Variants in DGKB observed in about 807,000 individuals in gnomAD.
DGKB encodes diacylglycerol kinase beta.
DGKB carries 67 observed loss-of-function variants against 114.3 expected under a neutral mutation model. The observed-to-expected ratio is 0.59, with a 90% CI of 0.48 to 0.72. DGKB has a LOEUF of 0.72. Ranked by LOEUF, DGKB falls within the 30% of genes least tolerant of loss-of-function variation. The probability of loss-of-function intolerance (pLI) is 0.00; values close to 1 mark genes in which losing one functional copy is unlikely to be tolerated. For missense variants in DGKB, 907 were observed against 975.2 expected (o/e 0.93, Z 0.93); for synonymous variants, 398 against 323.1 (o/e 1.23, Z -2.49).
chr7:14,880,032 A>T (rs1356248777), intron 1 of DGKB, among the ~76,000 whole-genome samples: 2 of 152,196 alleles, frequency 1.3e-5, no homozygotes, highest in African/African-American at 4.8e-5. Flanking sequence ...ATGAGAATTC[A>T]TAACTGGGGG....
intron 16 of DGKB, among the ~76,000 whole-genome samples, chr7:14,608,475 C>T (rs1017678956): frequency 6.6e-6 from 1 of 151,980 alleles, no homozygotes; most frequent in South Asian, 2.1e-4. Context: ...AACCCACAGC[C>T]AACAGCACAC....
intron 21 of DGKB, among the ~76,000 whole-genome samples, chr7:14,446,059 T>A (rs1830686579): frequency 1.3e-5 from 2 of 152,142 alleles, no homozygotes; most frequent in African/African-American, 2.4e-5. Flanking sequence ...CTAGTTCCCC[T>A]TTCACACATA....
chr7:14,508,478 T>C lies in DGKB; in HGVS notation c.1771-30253A>G, dbSNP rs151243792. The stretch of plus-strand genomic sequence containing the variant: ...GCCACTTAGGTTAAGCTATTGTATC[T>C]CCTGAAGGTGTTGATTTTAGAAGGA... On this transcript the variant is annotated intron_variant, in intron 20 of 25. Coordinates refer to ENST00000402815, the MANE Select transcript of DGKB (RefSeq NM_001350709.2). Among the ~76,000 whole-genome samples, 682 of 152,312 alleles carry C rather than the reference T, an allele frequency of 4.5e-3. 2 individuals are homozygous for C. The highest frequency in any genetic ancestry group is 0.011 in the South Asian group (53 of 4,828).
chr7:14,252,619 G>T (rs10261697), intron 23 of DGKB, among the ~76,000 whole-genome samples: 24,877 of 152,046 alleles, frequency 0.16, 2,206 homozygotes, highest in Non-Finnish European at 0.2. Flanking sequence ...CAGGCGCCAG[G>T]CTCCACAGAA....
chr7:14,284,409 G>C (rs1800490772), intron 23 of DGKB, among the ~76,000 whole-genome samples: 1 of 144,608 alleles, frequency 6.9e-6, no homozygotes, highest in Non-Finnish European at 1.5e-5. Flanking sequence ...TTACACTGTT[G>C]GTGGGACTGT....
chr7:14,870,254 C>T (rs1342096254), intron 1 of DGKB, among the ~76,000 whole-genome samples: 2 of 152,188 alleles, frequency 1.3e-5, no homozygotes, highest in Non-Finnish European at 2.9e-5. Context: ...CTCCACTCTC[C>T]TGTTTCTTCT....
intron 25 of DGKB, among the ~76,000 whole-genome samples, chr7:14,173,349 A>G (rs546480561): frequency 6.6e-6 from 1 of 152,176 alleles, no homozygotes; most frequent in East Asian, 1.9e-4. Flanking sequence ...TATACATAAC[A>G]TAAAATTCAC....
intron 5 of DGKB, among the ~76,000 whole-genome samples, chr7:14,732,380 C>A (rs774844436): frequency 6.6e-6 from 1 of 151,986 alleles, no homozygotes; most frequent in Non-Finnish European, 1.5e-5. Flanking sequence ...TATTTTTCAG[C>A]CACAAAAACA....
intron 6 of DGKB, 74 bp from the exon 7 acceptor site, chr7:14,701,804 A>T: frequency 9.7e-7 from 1 of 1,026,514 alleles, no homozygotes; most frequent in South Asian, 1.3e-5. Flanking sequence ...ATATTCATTA[A>T]AATTTAGTTT....
At chr7:14,758,559 AC>A (rs1277193807) in intron 2 of DGKB, among the ~76,000 whole-genome samples, 1 of 152,028 alleles carries the variant, frequency 6.6e-6, no homozygotes, top group East Asian at 1.9e-4. Flanking sequence ...TAATGAAAAA[AC>A]CTCAAAATTA....
intron 2 of DGKB, among the ~76,000 whole-genome samples, chr7:14,767,083 A>G (rs894160922): frequency 6.6e-6 from 1 of 151,676 alleles, no homozygotes; most frequent in African/African-American, 2.4e-5. Context: ...TTTGCCATAG[A>G]AGGAAAGAAT....
At chr7:14,424,196 G>T (rs1032281068) in intron 21 of DGKB, among the ~76,000 whole-genome samples, 4 of 152,050 alleles carry the variant, frequency 2.6e-5, no homozygotes, top group Non-Finnish European at 5.9e-5. Context: ...GGGGTCATGT[G>T]TGGCCTGAAC....
At chr7:14,154,458 C>G (rs1258896666) in intron 25 of DGKB, among the ~76,000 whole-genome samples, 1 of 151,862 alleles carries the variant, frequency 6.6e-6, no homozygotes, top group Non-Finnish European at 1.5e-5. Context: ...ATTCATTTCC[C>G]TCATCAATAC....
chr7:14,274,699 A>T (rs1271690349), intron 23 of DGKB, among the ~76,000 whole-genome samples: 2 of 152,068 alleles, frequency 1.3e-5, no homozygotes, highest in Non-Finnish European at 2.9e-5. Context: ...GTATCTGGTG[A>T]GGGCTCTCTT....
chr7:14,855,143 C>T (rs1202554055), intron 1 of DGKB, among the ~76,000 whole-genome samples: 1 of 152,128 alleles, frequency 6.6e-6, no homozygotes, highest in Non-Finnish European at 1.5e-5. Context: ...TAAATTAGGT[C>T]TATCTCAAAA....
rs75237332 is a variant in DGKB, at chr7:14,954,606, G to T, written c.-188+20090C>A. On this transcript the variant is annotated intron_variant, in intron 1 of 4. Coordinates refer to the DGKB transcript ENST00000437998. ...ACATCCAGGCAAGTGTGATTTTTTTGGGGGGAGGGGGTTACAAATATGGTG... is the reference window on the plus strand; with the variant it reads ...ACATCCAGGCAAGTGTGATTTTTTTTGGGGGAGGGGGTTACAAATATGGTG... Among the ~76,000 whole-genome samples the T allele has an allele frequency of 1.9e-3, 282 of 151,994 alleles. 1 individual carries two copies. Among genetic ancestry groups the T allele is most frequent in the Non-Finnish European group, 3.3e-3 (226 of 67,954 alleles).
chr7:14,512,696 A>G (rs1788164619), intron 20 of DGKB, among the ~76,000 whole-genome samples: 1 of 152,096 alleles, frequency 6.6e-6, no homozygotes, highest in Admixed American at 6.6e-5. Context: ...AAAAATTTTA[A>G]CACCTTTTTT....
At position 14,729,533 on chromosome 7, in the gene DGKB, T is replaced by G. The variant is rs180939019; in HGVS notation, c.322+6508A>C. On this transcript the variant is annotated intron_variant, in intron 5 of 25. Coordinates refer to ENST00000402815, the MANE Select transcript of DGKB (RefSeq NM_001350709.2). ...CATACATTGCCCTTTGATGGGACAT[T>G]AAAAAATTTTTGAATAGAAATGTGT... 2.5e-3 allele frequency among the ~76,000 whole-genome samples: 386 copies of G among 152,326 alleles called. 1 individual carries two copies. Among genetic ancestry groups the G allele is most frequent in the African/African-American group, 9.2e-3 (381 of 41,564 alleles).
intron 3 of DGKB, among the ~76,000 whole-genome samples, chr7:14,754,983 T>G (rs917063080): frequency 3.2e-4 from 48 of 152,302 alleles, no homozygotes; most frequent in African/African-American, 1.0e-3. Flanking sequence ...ATTAGGTTTT[T>G]GTTGTGGTTA....
Sources: allele counts gnomAD v4.1 joint callset (sites outside exome capture counted in the v4.1 genomes callset), GRCh38; gene constraint gnomAD v4.1.1; transcripts MANE v1.5; gene names NCBI Gene and HGNC (gene_info 2026-07-23, HGNC 2026-07-21).